The following CNTNAP5 variants were observed in gnomAD, a reference collection of about 807,000 sequenced individuals.
CNTNAP5 encodes the protein contactin associated protein family member 5.
A neutral mutation model predicts 150.2 loss-of-function variants in CNTNAP5; 72 were observed. That is an observed-to-expected ratio of 0.48 (90% CI 0.40 to 0.58). The LOEUF is 0.58. CNTNAP5 is among the 20% of genes least tolerant of loss of function. The pLI, the probability that CNTNAP5 is intolerant of heterozygous loss-of-function variation, is 0.00. For missense variants in CNTNAP5, 1,636 were observed against 1,626.2 expected (o/e 1.01, Z -0.10); for synonymous variants, 672 against 619.8 (o/e 1.08, Z -1.25).
At chr2:124,453,065 G>A (rs1257470498) in intron 6 of CNTNAP5, among the ~76,000 whole-genome samples, 1 of 151,986 alleles carries the variant, frequency 6.6e-6, no homozygotes, top group Non-Finnish European at 1.5e-5. Context: ...CAGAAGGTTA[G>A]TTATTCAGCT....
intron 10 of CNTNAP5, among the ~76,000 whole-genome samples, chr2:124,539,435 A>T (rs1403169622): frequency 6.6e-6 from 1 of 152,200 alleles, no homozygotes; most frequent in Non-Finnish European, 1.5e-5. Context: ...GAAAATCGAT[A>T]TTCACATAAA....
intron 12 of CNTNAP5, among the ~76,000 whole-genome samples, chr2:124,620,442 T>C (rs1677587216): frequency 6.6e-6 from 1 of 152,054 alleles, no homozygotes; most frequent in Admixed American, 6.6e-5. Flanking sequence ...TTCATGACTG[T>C]TTGTTGCTGC....
intron 19 of CNTNAP5, among the ~76,000 whole-genome samples, chr2:124,845,147 G>A (rs1054649287): frequency 1.1e-4 from 17 of 151,962 alleles, no homozygotes; most frequent in African/African-American, 3.9e-4. Context: ...GTAAAGGTAT[G>A]TCTCCTTTAT....
intron 12 of CNTNAP5, among the ~76,000 whole-genome samples, chr2:124,632,209 C>A (rs1157598915): frequency 6.6e-6 from 1 of 152,060 alleles, no homozygotes; most frequent in African/African-American, 2.4e-5. Flanking sequence ...TGGGTATATG[C>A]CCAGTGGAAT....
chr2:124,210,817 A>G (rs928101307), intron 1 of CNTNAP5, among the ~76,000 whole-genome samples: 9 of 152,216 alleles, frequency 5.9e-5, no homozygotes, highest in South Asian at 2.1e-4. Flanking sequence ...TCTTCAAAAC[A>G]TGAGCTTGGG....
intron 10 of CNTNAP5, 105 bp downstream of exon 10, chr2:124,527,561 A>G (rs1401684559): frequency 2.4e-6 from 2 of 838,936 alleles, no homozygotes; most frequent in Non-Finnish European, 3.6e-6. Context: ...CATTAGCCAC[A>G]TTAGACATAA....
intron 3 of CNTNAP5, among the ~76,000 whole-genome samples, chr2:124,335,587 C>T (rs1689449487): frequency 6.7e-6 from 1 of 149,572 alleles, no homozygotes; most frequent in Admixed American, 6.8e-5. Context: ...AATATTCATA[C>T]TAGATATAAA....
At chr2:124,121,451 C>T (rs573794213) in intron 1 of CNTNAP5, among the ~76,000 whole-genome samples, 3 of 152,068 alleles carry the variant, frequency 2.0e-5, no homozygotes, top group East Asian at 1.9e-4. Context: ...TTGGTTTCAC[C>T]GACATCAGCA....
chr2:124,405,042 C>A (rs1003250679), intron 3 of CNTNAP5, among the ~76,000 whole-genome samples: 1 of 106,802 alleles, frequency 9.4e-6, no homozygotes, highest in Non-Finnish European at 1.9e-5. Context: ...GTGGGGGTGG[C>A]GGGTGGGGGC....
intron 1 of CNTNAP5, among the ~76,000 whole-genome samples, chr2:124,153,597 C>T (rs1191412417): frequency 1.3e-5 from 2 of 149,214 alleles, no homozygotes; most frequent in Admixed American, 6.7e-5. Flanking sequence ...AGAAAGCCCC[C>T]CGGGACTTTT....
At chr2:124,467,010 CA>C in intron 6 of CNTNAP5, among the ~76,000 whole-genome samples, 1 of 152,054 alleles carries the variant, frequency 6.6e-6, no homozygotes, top group South Asian at 2.1e-4. Flanking sequence ...AGAAAGAAAG[CA>C]GAAGTGGAAA....
intron 4 of CNTNAP5, among the ~76,000 whole-genome samples, chr2:124,419,109 C>A (rs1363438275): frequency 8.5e-6 from 1 of 117,644 alleles, no homozygotes. Flanking sequence ...AGTCCGCCGT[C>A]CGGCCTGGGC....
chr2:124,404,650 G>T (rs1013589722), intron 3 of CNTNAP5, among the ~76,000 whole-genome samples: 4 of 152,146 alleles, frequency 2.6e-5, no homozygotes, highest in Middle Eastern at 3.2e-3. Context: ...TTCACTTCTG[G>T]CATATTCTTC....
intron 1 of CNTNAP5, among the ~76,000 whole-genome samples, chr2:124,063,683 GA>G (rs757630660): frequency 6.6e-6 from 1 of 152,070 alleles, no homozygotes; most frequent in Non-Finnish European, 1.5e-5. Context: ...AGAATGAAAA[GA>G]AAAAGAGACC....
intron 19 of CNTNAP5, among the ~76,000 whole-genome samples, chr2:124,803,381 A>G (rs1682012643): frequency 6.6e-6 from 1 of 152,138 alleles, no homozygotes; most frequent in South Asian, 2.1e-4. Flanking sequence ...TTTTATTCAC[A>G]TTGCAGTTGA....
intron 1 of CNTNAP5, among the ~76,000 whole-genome samples, chr2:124,110,413 A>C (rs1422201429): frequency 6.6e-6 from 1 of 152,014 alleles, no homozygotes; most frequent in African/African-American, 2.4e-5. Context: ...TTAAAACAAT[A>C]AAAAAAGGCC....
At chr2:124,729,961 A>G (rs919160030) in intron 13 of CNTNAP5, among the ~76,000 whole-genome samples, 10 of 152,102 alleles carry the variant, frequency 6.6e-5, no homozygotes, top group Non-Finnish European at 7.4e-5. Context: ...GTTCGTATTG[A>G]CTGAGATCCT....
At chr2:124,123,281 G>A (rs913803926) in intron 1 of CNTNAP5, among the ~76,000 whole-genome samples, 6 of 152,126 alleles carry the variant, frequency 3.9e-5, no homozygotes, top group African/African-American at 1.4e-4. Flanking sequence ...AGGGTCCCAC[G>A]CCCACGGAGC....
chr2:124,795,826 G>T (rs1378891418), intron 18 of CNTNAP5, among the ~76,000 whole-genome samples: 2 of 151,862 alleles, frequency 1.3e-5, no homozygotes, highest in African/African-American at 2.4e-5. Flanking sequence ...CCAGGTGTTT[G>T]TTTTTTTTAA....
Sources: allele counts gnomAD v4.1 joint callset (sites outside exome capture counted in the v4.1 genomes callset), GRCh38; gene constraint gnomAD v4.1.1; transcripts MANE v1.5; gene names NCBI Gene and HGNC (gene_info 2026-07-23, HGNC 2026-07-21).